SIK3: variants seen among roughly 807,000 people sequenced by gnomAD.
The protein encoded by SIK3 is SIK family kinase 3, also known as serine/threonine-protein kinase SIK3.
In SIK3, 28 loss-of-function variants were observed where a neutral mutation model predicts 144.2. The ratio of observed to expected loss-of-function variants is 0.19; its 90% CI spans 0.14 to 0.27. SIK3 has a LOEUF of 0.27. Ranked by LOEUF, SIK3 falls within the 10% of genes least tolerant of loss-of-function variation. The probability of loss-of-function intolerance (pLI) is 1.00; values close to 1 mark genes in which losing one functional copy is unlikely to be tolerated. For synonymous variants in SIK3, 686 were observed against 676.3 expected (o/e 1.01, Z -0.22); for missense variants, 1,319 against 1,776.0 (o/e 0.74, Z 4.62).
At chr11:116,864,744 A>C (rs17120099) in intron 15 of SIK3, 7,938 of 152,386 alleles carry the variant, frequency 0.052, 272 homozygotes, top group Middle Eastern at 0.12. Flanking sequence ...TTTCATGTCC[A>C]GGGCAGAGAT....
chr11:116,917,898 T>G (rs549616629), intron 4 of SIK3, among the ~76,000 whole-genome samples: 1 of 119,156 alleles, frequency 8.4e-6, no homozygotes, highest in Non-Finnish European at 1.7e-5. Flanking sequence ...ATAGCTTAAG[T>G]GTACACCTAA....
intron 1 of SIK3, among the ~76,000 whole-genome samples, chr11:117,074,033 T>C (rs563195176): frequency 7.2e-5 from 11 of 152,292 alleles, no homozygotes; most frequent in African/African-American, 2.6e-4. Context: ...TCCTTCCTAG[T>C]AGCCCAGCCT....
chr11:116,915,314 G>A (rs1946576744), intron 4 of SIK3, among the ~76,000 whole-genome samples: 2 of 151,988 alleles, frequency 1.3e-5, no homozygotes, highest in Admixed American at 6.6e-5. Flanking sequence ...ACCTGGCTTT[G>A]GAAGCCACAA....
intron 3 of SIK3, among the ~76,000 whole-genome samples, chr11:116,931,743 A>G (rs1449866216): frequency 6.6e-6 from 1 of 152,172 alleles, no homozygotes; most frequent in African/African-American, 2.4e-5. Flanking sequence ...TCTTCTTCCT[A>G]CACCCATGGA....
At chr11:117,055,036 A>G (rs1250480162) in intron 1 of SIK3, among the ~76,000 whole-genome samples, 2 of 152,240 alleles carry the variant, frequency 1.3e-5, no homozygotes, top group Non-Finnish European at 1.5e-5. Context: ...TATTGATAAA[A>G]TAAGTTCATT....
At chr11:116,968,792 T>C (rs1250817861) in intron 1 of SIK3, among the ~76,000 whole-genome samples, 1 of 152,206 alleles carries the variant, frequency 6.6e-6, no homozygotes, top group Non-Finnish European at 1.5e-5. Context: ...TATCAATTCA[T>C]TAAAGTATTG....
In SIK3 at chr11:116,990,108, G is replaced by A. The variant is rs10128624; in HGVS notation, c.274-33044C>T. ...GCAGCAGGCCATTCTGTATTTCAGCGGGGTCGTCATATAAAGAAAAGGCTA... is the reference window on the plus strand; with the variant it reads ...GCAGCAGGCCATTCTGTATTTCAGCAGGGTCGTCATATAAAGAAAAGGCTA... On this transcript the variant is annotated intron_variant, in intron 1 of 24. Transcript: ENST00000445177. Among the ~76,000 whole-genome samples, 582 of 152,248 alleles carry A rather than the reference G, an allele frequency of 3.8e-3. 3 individuals carry two copies. Among genetic ancestry groups the A allele is most frequent in the African/African-American group, 0.013 (556 of 41,536 alleles).
chr11:116,854,734 T>G (rs1942737457), intron 21 of SIK3, among the ~76,000 whole-genome samples: 1 of 152,074 alleles, frequency 6.6e-6, no homozygotes, highest in African/African-American at 2.4e-5. Flanking sequence ...GTGACAGAAG[T>G]GAACAGCAAA....
At chr11:117,055,127 G>A (rs1008450405) in intron 1 of SIK3, among the ~76,000 whole-genome samples, 1 of 152,174 alleles carries the variant, frequency 6.6e-6, no homozygotes, top group Non-Finnish European at 1.5e-5. Flanking sequence ...AAGCACTGAA[G>A]CCACAGAAAG....
chr11:116,977,631 C>T (rs55713874), intron 1 of SIK3, among the ~76,000 whole-genome samples: 16 of 152,202 alleles, frequency 1.1e-4, no homozygotes, highest in Admixed American at 9.2e-4. Flanking sequence ...GGGCTAGGGG[C>T]AAAAGAGTGC....
rs771854695 is a variant in SIK3 at position 116,874,049 on chromosome 11, C to G, written c.1435G>C (p.Val479Leu). 4 of 1,613,494 alleles carry G rather than the reference C, an allele frequency of 2.5e-6. No homozygotes were observed. Among genetic ancestry groups the G allele is most frequent in the African/African-American group, 2.7e-5 (2 of 75,000 alleles). The change falls in exon 12 of 25, where the codon GTT becomes CTT. Residue 479 changes from valine to leucine, a missense_variant. By Grantham distance (32) the Val-to-Leu change is conservative. Transcript: ENST00000445177. ...TVGVADPRTEVMEDLQKLLPG... is the reference protein window; with the variant it reads ...TVGVADPRTELMEDLQKLLPG... ...AGGAGCTTCTGCAGATCTTCCATAA[C>G]TTCCGTGCTGATACAAAACAGAATG...
At chr11:116,976,081 A>G (rs1244467823) in intron 1 of SIK3, among the ~76,000 whole-genome samples, 2 of 152,196 alleles carry the variant, frequency 1.3e-5, no homozygotes, top group African/African-American at 2.4e-5. Context: ...ATTGAGTTAT[A>G]AAAGTTTTTA....
chr11:117,019,803 C>A (rs778205167), intron 1 of SIK3, among the ~76,000 whole-genome samples: 1 of 151,606 alleles, frequency 6.6e-6, no homozygotes, highest in East Asian at 1.9e-4. Flanking sequence ...TTAGTACAGA[C>A]GGGATTTCAC....
chr11:116,893,614 T>A (rs1447340227), intron 6 of SIK3, among the ~76,000 whole-genome samples: 1 of 151,628 alleles, frequency 6.6e-6, no homozygotes, highest in Non-Finnish European at 1.5e-5. Context: ...CCAGCTGCAG[T>A]GAGCCACGAT....
chr11:117,019,466 T>G (rs1388975949), intron 1 of SIK3, among the ~76,000 whole-genome samples: 1 of 152,190 alleles, frequency 6.6e-6, no homozygotes, highest in Non-Finnish European at 1.5e-5. Context: ...GACCTACTGG[T>G]TACAGTAAGT....
At chr11:116,933,267 A>G (rs891762541) in intron 3 of SIK3, among the ~76,000 whole-genome samples, 1 of 151,806 alleles carries the variant, frequency 6.6e-6, no homozygotes, top group African/African-American at 2.4e-5. Context: ...CAGCCTCCCA[A>G]GTAGCTGGGA....
intron 3 of SIK3, among the ~76,000 whole-genome samples, chr11:116,937,247 T>C (rs752878333): frequency 2.0e-5 from 3 of 152,208 alleles, no homozygotes; most frequent in Non-Finnish European, 2.9e-5. Flanking sequence ...CATGTGTATG[T>C]ATATGCATAT....
chr11:117,051,776 G>A (rs1382412515), intron 1 of SIK3, among the ~76,000 whole-genome samples: 3 of 151,832 alleles, frequency 2.0e-5, no homozygotes, highest in South Asian at 2.1e-4. Context: ...TGATCTGCCC[G>A]CCTCAGCCTC....
intron 1 of SIK3, among the ~76,000 whole-genome samples, chr11:117,016,357 G>A (rs1485986351): frequency 2.4e-5 from 3 of 126,102 alleles, no homozygotes; most frequent in African/African-American, 6.2e-5. Context: ...AGGGAGGGAG[G>A]GAGGGAGGGA....
Sources: gnomAD v4.1 joint callset for allele counts (sites outside exome capture counted in the v4.1 genomes callset) on GRCh38, gnomAD v4.1.1 for gene constraint, MANE v1.5 for transcripts, NCBI Gene and HGNC (gene_info 2026-07-23, HGNC 2026-07-21) for gene names.